SERPINB12: variants seen among roughly 807,000 people sequenced by gnomAD.
The protein encoded by SERPINB12 is serpin B12.
In SERPINB12, 57 loss-of-function variants were observed where a neutral mutation model predicts 41.1. The ratio of observed to expected loss-of-function variants is 1.39; its 90% CI spans 1.12 to 1.73. The LOEUF (loss-of-function observed/expected upper bound fraction) is 1.73. SERPINB12 is among the 40% of genes most tolerant of loss of function. The pLI, the probability that SERPINB12 is intolerant of heterozygous loss-of-function variation, is 0.00. For missense variants in SERPINB12, 536 were observed against 501.9 expected, an observed-to-expected ratio of 1.07 and a Z score of -0.65; for synonymous variants, 180 against 181.3, an observed-to-expected ratio of 0.99 and a Z score of 0.06.
At chr18:63,535,245 C>G in the SERPINB12 span, among the ~76,000 whole-genome samples, 419 of 152,214 alleles carry the variant, frequency 2.8e-3, 1 homozygote, top group African/African-American at 9.7e-3. Context: ...ATATCTTCCT[C>G]CTTCGTATTT....
In SERPINB12 at chr18:63,565,497, G is replaced by T. The variant is rs761228915; in HGVS notation, c.758G>T (p.Gly253Val). 9.3e-6 allele frequency: 15 copies of T among 1,613,848 alleles called. No individual in the cohort carries two copies. The Admixed American group carries it at 2.5e-4, about 27-fold the overall frequency. ...MMTQKGLYRI[G>V]FIEEVKAQIL... is the part of the protein sequence containing the mutation. ...ACGCAAAAAGGCCTCTACAGAATTG[G>T]CTTCATAGAGGAGGTGAAGGCACAG... is the stretch of plus-strand genomic sequence containing the variant. The change falls in exon 7 of 8, where the codon GGC (glycine) becomes GTC (valine). Residue 253 changes from glycine to valine, a missense_variant. Gly to Val is a moderately radical substitution (Grantham distance 109). Transcript: ENST00000382768.
At chr18:63,550,470 T>C (rs1910496027) in intron 1 of SERPINB12, among the ~76,000 whole-genome samples, 1 of 152,238 alleles carries the variant, frequency 6.6e-6, no homozygotes, top group African/African-American at 2.4e-5. Flanking sequence ...TTAAATGCCA[T>C]GTTTAGTAAT....
chr18:63,552,534 T>C (rs1207253814), intron 1 of SERPINB12, among the ~76,000 whole-genome samples: 1 of 152,240 alleles, frequency 6.6e-6, no homozygotes, highest in East Asian at 1.9e-4. Context: ...CATAATCAAA[T>C]CTTAATGAGT....
intron 2 of SERPINB12, among the ~76,000 whole-genome samples, chr18:63,557,424 T>A (rs566178283): frequency 6.6e-6 from 1 of 152,278 alleles, no homozygotes; most frequent in East Asian, 1.9e-4. Context: ...AATCCCCAAA[T>A]AAACTACAAG....
chr18:63,541,008 T>A (rs1910260490), upstream of SERPINB12, among the ~76,000 whole-genome samples: 1 of 152,220 alleles, frequency 6.6e-6, no homozygotes, highest in Non-Finnish European at 1.5e-5. Flanking sequence ...CTTTACGTTT[T>A]CAGTATTTTT....
intron 1 of SERPINB12, among the ~76,000 whole-genome samples, chr18:63,551,440 C>T (rs1910527933): frequency 6.6e-6 from 1 of 152,036 alleles, no homozygotes; most frequent in African/African-American, 2.4e-5. Flanking sequence ...ATTCTCCTGC[C>T]TCAGCCCCTC....
chr18:63,524,203 G>A, the SERPINB12 span, among the ~76,000 whole-genome samples: 6 of 151,992 alleles, frequency 3.9e-5, no homozygotes, highest in South Asian at 2.1e-4. Flanking sequence ...TTCTAGTTCC[G>A]TATTAGTATA....
the SERPINB12 span, among the ~76,000 whole-genome samples, chr18:63,519,490 G>A: frequency 2.6e-5 from 4 of 152,140 alleles, no homozygotes; most frequent in East Asian, 1.9e-4. Flanking sequence ...TTGAACTTTC[G>A]CTAATTGTTC....
the SERPINB12 span, among the ~76,000 whole-genome samples, chr18:63,529,327 T>C: frequency 6.6e-6 from 1 of 152,218 alleles, no homozygotes; most frequent in Non-Finnish European, 1.5e-5. Context: ...AGGCGGTTGC[T>C]GGACAGATGC....
the SERPINB12 span, among the ~76,000 whole-genome samples, chr18:63,536,965 A>T: frequency 6.6e-6 from 1 of 152,158 alleles, no homozygotes; most frequent in East Asian, 1.9e-4. Flanking sequence ...CCTACCTCAC[A>T]TCGTAGACCA....
the SERPINB12 span, among the ~76,000 whole-genome samples, chr18:63,529,147 C>G: frequency 6.6e-6 from 1 of 152,112 alleles, no homozygotes. Context: ...TCAGGAGTAG[C>G]ATTGCAATGG....
chr18:63,538,838 A>G (rs1469423129), upstream of SERPINB12, among the ~76,000 whole-genome samples: 3 of 152,180 alleles, frequency 2.0e-5, no homozygotes, highest in African/African-American at 4.8e-5. Context: ...ATTTTTCCAC[A>G]TCTTCACCAA....
At chr18:63,531,057 A>G in the SERPINB12 span, among the ~76,000 whole-genome samples, 1 of 152,230 alleles carries the variant, frequency 6.6e-6, no homozygotes, top group Admixed American at 6.5e-5. Context: ...AATAGACCTA[A>G]ATCTTTCATT....
chr18:63,566,774 G>A lies in SERPINB12; in HGVS notation c.1041G>A (p.Arg347=), dbSNP rs140108198. 1 of 1,614,056 alleles carries A rather than the reference G, an allele frequency of 6.2e-7. No individual in the cohort carries two copies. Among genetic ancestry groups the A allele is most frequent in the East Asian group, 2.2e-5 (1 of 44,876 alleles). ...MGITDIFDET[R]ADLTGISPSP... is the part of the protein sequence containing the mutation. Reference sequence around the variant, plus strand: ...TTACGGATATCTTTGATGAAACGAGGGCTGATCTTACTGGAATCTCTCCAA... The same window carrying A: ...TTACGGATATCTTTGATGAAACGAGAGCTGATCTTACTGGAATCTCTCCAA... The change falls in exon 8 of 8, where the codon AGG becomes AGA. Residue 347 remains arginine, a synonymous_variant. Coordinates refer to ENST00000382768, the MANE Select transcript of SERPINB12 (RefSeq NM_001307928.2).
At chr18:63,536,062 T>C in the SERPINB12 span, among the ~76,000 whole-genome samples, 1 of 151,882 alleles carries the variant, frequency 6.6e-6, no homozygotes, top group African/African-American at 2.4e-5. Flanking sequence ...GTAAAACAAA[T>C]GAGACAAAAT....
chr18:63,552,885 C>T (rs567890016), intron 1 of SERPINB12, among the ~76,000 whole-genome samples: 2 of 152,192 alleles, frequency 1.3e-5, no homozygotes, highest in African/African-American at 4.8e-5. Flanking sequence ...TCATTATTTG[C>T]TATGTTTTAG....
chr18:63,544,091 G>A (rs1910331502), intron 1 of SERPINB12, among the ~76,000 whole-genome samples: 1 of 152,184 alleles, frequency 6.6e-6, no homozygotes, highest in Non-Finnish European at 1.5e-5. Context: ...GGGACAGATA[G>A]TAAATATTTG....
intron 2 of SERPINB12, among the ~76,000 whole-genome samples, chr18:63,558,055 TTCAGATTGGGTATC>T (rs1402821921): frequency 6.6e-6 from 1 of 152,194 alleles, no homozygotes; most frequent in Non-Finnish European, 1.5e-5. Context: ...TTACAGTCAA[TTCAGATTGGGTATC>T]TATGAAATGC....
intron 5 of SERPINB12, among the ~76,000 whole-genome samples, chr18:63,562,841 G>C (rs1345931068): frequency 6.6e-6 from 1 of 152,202 alleles, no homozygotes. Context: ...CTCTTCTTGA[G>C]ATGGAAGATC....
Sources: allele counts gnomAD v4.1 joint callset (sites outside exome capture counted in the v4.1 genomes callset), GRCh38; gene constraint gnomAD v4.1.1; transcripts MANE v1.5; gene names NCBI Gene and HGNC (gene_info 2026-07-23, HGNC 2026-07-21).